Variants in NPFFR2 observed in about 807,000 individuals in gnomAD.
NPFFR2 encodes the protein G-protein coupled receptor 74.
A neutral mutation model predicts 13.1 loss-of-function variants in NPFFR2; 15 were observed. The ratio of observed to expected loss-of-function variants is 1.15; its 90% CI spans 0.77 to 1.76. The LOEUF (loss-of-function observed/expected upper bound fraction) is 1.76, where lower values mean the gene tolerates loss of function less well. Among genes scored for constraint, NPFFR2 ranks in the 40% most tolerant of loss-of-function variants. The pLI is 0.00. For synonymous variants in NPFFR2, 190 were observed against 175.7 expected, an observed-to-expected ratio of 1.08 and a Z score of -0.65; for missense variants, 572 against 503.5, an observed-to-expected ratio of 1.14 and a Z score of -1.30.
chr4:72,101,413 G>T (rs537648296), intron 1 of NPFFR2, among the ~76,000 whole-genome samples: 1 of 151,342 alleles, frequency 6.6e-6, no homozygotes, highest in Admixed American at 6.6e-5. Context: ...TTCTCTCAAG[G>T]TATTAACTTT....
chr4:72,034,568 G>A (rs1001737072), intron 1 of NPFFR2, among the ~76,000 whole-genome samples: 1 of 152,134 alleles, frequency 6.6e-6, no homozygotes, highest in African/African-American at 2.4e-5. Context: ...AGATTTGGAT[G>A]GGGACACGGC....
At chr4:72,100,281 C>CT (rs1721202865) in intron 1 of NPFFR2, among the ~76,000 whole-genome samples, 1 of 151,942 alleles carries the variant, frequency 6.6e-6, no homozygotes, top group Non-Finnish European at 1.5e-5. Context: ...GTAAAAAAAA[C>CT]TGTATAGGTT....
intron 1 of NPFFR2, among the ~76,000 whole-genome samples, chr4:72,053,647 G>A (rs961202404): frequency 4.6e-5 from 7 of 151,756 alleles, no homozygotes; most frequent in African/African-American, 1.7e-4. Flanking sequence ...TTTATATCTT[G>A]AGAACTTACT....
chr4:72,091,419 T>G (rs530702758), intron 1 of NPFFR2, among the ~76,000 whole-genome samples: 2 of 152,258 alleles, frequency 1.3e-5, no homozygotes, highest in South Asian at 4.1e-4. Context: ...AATTCTTCTT[T>G]TAATGTCTGA....
chr4:72,127,331 A>G (rs1450528520), intron 1 of NPFFR2, among the ~76,000 whole-genome samples: 3 of 133,304 alleles, frequency 2.3e-5, no homozygotes, highest in Non-Finnish European at 4.7e-5. Context: ...AAAAAAAAAA[A>G]GTCATACAGA....
intron 1 of NPFFR2, among the ~76,000 whole-genome samples, chr4:72,107,419 G>A (rs936313998): frequency 7.3e-5 from 11 of 151,322 alleles, no homozygotes; most frequent in Admixed American, 4.6e-4. Flanking sequence ...ACAATCCTGG[G>A]AGATCATCCT....
chr4:72,118,139 G>C (rs1721764935), intron 1 of NPFFR2, among the ~76,000 whole-genome samples: 1 of 152,190 alleles, frequency 6.6e-6, no homozygotes, highest in African/African-American at 2.4e-5. Flanking sequence ...AAATTATATT[G>C]TAAGGTTGAA....
chr4:72,091,030 A>G (rs1720905166), intron 1 of NPFFR2, among the ~76,000 whole-genome samples: 1 of 151,626 alleles, frequency 6.6e-6, no homozygotes, highest in Admixed American at 6.6e-5. Context: ...ACGTTAATCT[A>G]TTTTAATCAT....
At chr4:72,141,355 G>T (rs902751409) in intron 3 of NPFFR2, among the ~76,000 whole-genome samples, 1 of 152,148 alleles carries the variant, frequency 6.6e-6, no homozygotes, top group African/African-American at 2.4e-5. Context: ...TGATGTTAGG[G>T]TGTGGATTTT....
intron 1 of NPFFR2, among the ~76,000 whole-genome samples, chr4:72,123,894 G>C (rs934684983): frequency 6.6e-6 from 1 of 152,190 alleles, no homozygotes; most frequent in African/African-American, 2.4e-5. Context: ...ATTCAACATA[G>C]TGTTGGAAGT....
chr4:72,083,843 C>T (rs779741703), intron 1 of NPFFR2, among the ~76,000 whole-genome samples: 5 of 152,072 alleles, frequency 3.3e-5, no homozygotes, highest in Admixed American at 1.3e-4. Flanking sequence ...ATATTTAGTA[C>T]GGCCAAAACA....
intron 2 of NPFFR2, among the ~76,000 whole-genome samples, chr4:72,135,375 T>C (rs563260637): frequency 6.6e-6 from 1 of 152,116 alleles, no homozygotes; most frequent in South Asian, 2.1e-4. Context: ...TCTACTCATA[T>C]TAATCAGATA....
intron 1 of NPFFR2, among the ~76,000 whole-genome samples, chr4:72,036,218 G>A (rs1450463003): frequency 6.6e-6 from 1 of 152,032 alleles, no homozygotes; most frequent in Non-Finnish European, 1.5e-5. Flanking sequence ...TGTTTACTAG[G>A]TTGAGGAACC....
intron 1 of NPFFR2, among the ~76,000 whole-genome samples, chr4:72,099,413 G>T (rs1721165801): frequency 6.6e-6 from 1 of 152,098 alleles, no homozygotes. Flanking sequence ...TTGACACTGG[G>T]TAATTTATAA....
rs1722840817 is a variant in NPFFR2 at position 72,147,891 on chromosome 4, A to G, written c.*79A>G. The G allele has an allele frequency of 1.8e-6, 2 of 1,090,464 alleles. No homozygotes were observed. Among genetic ancestry groups the G allele is most frequent in the East Asian group, 2.7e-5 (1 of 37,350 alleles). The allele number at this position is 1,090,464 out of a possible 1,614,324, so 67.5% of individuals were successfully genotyped here. A position where few individuals can be genotyped will look rare whatever the true frequency, so the allele number is the denominator to read the frequency against. ...TTGCTTTTTGTGGCTTTGCACTTCAAATTTTTCAAAGAATGTTCTAAATAA... is the reference window on the plus strand; with the variant it reads ...TTGCTTTTTGTGGCTTTGCACTTCAGATTTTTCAAAGAATGTTCTAAATAA... On this transcript the variant is annotated 3_prime_UTR_variant, in exon 4 of 4. Transcript: ENST00000308744.
Position 72,125,343 on chromosome 4 carries a change from T to C in NPFFR2, c.-7-3242T>C, listed in dbSNP as rs149720970. On this transcript the variant is annotated intron_variant, in intron 1 of 3. Coordinates refer to ENST00000308744, the MANE Select transcript of NPFFR2 (RefSeq NM_004885.3). ...CACTGTTGTGGAAGTTTAAATTAGT[T>C]CAACCATTGTGGAAAAGAAAACCTC... is the stretch of plus-strand genomic sequence containing the variant. Among the ~76,000 whole-genome samples, 176 of 152,334 alleles carry C rather than the reference T, an allele frequency of 1.2e-3. 1 individual carries two copies. In the East Asian group the frequency reaches 0.029, roughly 25 times the overall value.
chr4:72,073,600 AAGTT>A (rs758535227), intron 1 of NPFFR2, among the ~76,000 whole-genome samples: 6 of 152,202 alleles, frequency 3.9e-5, no homozygotes, highest in African/African-American at 9.6e-5. Context: ...ATTAGTGTCA[AAGTT>A]AGTATTATAA....
intron 1 of NPFFR2, among the ~76,000 whole-genome samples, chr4:72,107,037 TC>T (rs1046378632): frequency 1.3e-5 from 2 of 151,776 alleles, no homozygotes; most frequent in South Asian, 2.1e-4. Flanking sequence ...TCTACCTATC[TC>T]CCCCACCACA....
chr4:72,083,207 A>G (rs1423999939), intron 1 of NPFFR2, among the ~76,000 whole-genome samples: 2 of 152,020 alleles, frequency 1.3e-5, no homozygotes, highest in Non-Finnish European at 2.9e-5. Context: ...CTCTATACCC[A>G]TAAGTGGAAT....
Sources: allele counts gnomAD v4.1 joint callset (sites outside exome capture counted in the v4.1 genomes callset), GRCh38; gene constraint gnomAD v4.1.1; transcripts MANE v1.5; gene names NCBI Gene and HGNC (gene_info 2026-07-23, HGNC 2026-07-21).